Variants in ANO2 observed in about 807,000 individuals in gnomAD.
ANO2 encodes anoctamin 2.
In ANO2, 101 loss-of-function variants were observed where a neutral mutation model predicts 124.2. That is an observed-to-expected ratio of 0.81 (90% CI 0.69 to 0.96). The LOEUF is 0.96. Among genes scored for constraint, ANO2 ranks in the 40% least tolerant of loss-of-function variants. ANO2 has a pLI of 0.00. For missense variants in ANO2, 1,293 were observed against 1,274.5 expected (o/e 1.01, Z -0.22); for synonymous variants, 486 against 482.5 (o/e 1.01, Z -0.09).
intron 4 of ANO2, among the ~76,000 whole-genome samples, chr12:5,833,979 T>C (rs1954236530): frequency 6.6e-6 from 1 of 152,056 alleles, no homozygotes; most frequent in Admixed American, 6.6e-5. Context: ...GGAGGCGTCC[T>C]GAGAGTACCC....
At chr12:5,590,491 C>T (rs1943341908) in intron 20 of ANO2, among the ~76,000 whole-genome samples, 1 of 152,204 alleles carries the variant, frequency 6.6e-6, no homozygotes, top group African/African-American at 2.4e-5. Context: ...ATGAAGCCTG[C>T]AGGCAGAAAG....
chr12:5,810,506 C>T (rs1323382643), intron 7 of ANO2, among the ~76,000 whole-genome samples: 1 of 152,176 alleles, frequency 6.6e-6, no homozygotes, highest in Non-Finnish European at 1.5e-5. Context: ...GCAAAGCTTT[C>T]TTCTTCAGGA....
At chr12:5,599,425 C>T (rs1943818783) in intron 20 of ANO2, 59 bp downstream of exon 20, 1 of 1,530,790 alleles carries the variant, frequency 6.5e-7, no homozygotes, top group South Asian at 1.3e-5. Flanking sequence ...CCCCCTTCAA[C>T]CCCACAGACC....
rs538089396 is a variant in ANO2, at chr12:5,670,713, A to T, written c.1546-22912T>A. Among the ~76,000 whole-genome samples the T allele has an allele frequency of 3.8e-3, 562 of 149,650 alleles. 4 individuals carry two copies. Among genetic ancestry groups the T allele is most frequent in the African/African-American group, 0.013 (512 of 40,226 alleles). Reference sequence around the variant, plus strand: ...CCATTCCTGGCTAATTTTTTTTTAAAAAATGTTATAGAGATGAGGTCTCTT... The same window carrying T: ...CCATTCCTGGCTAATTTTTTTTTAATAAATGTTATAGAGATGAGGTCTCTT... On this transcript the variant is annotated intron_variant, in intron 14 of 24. Transcript: ENST00000682330.
intron 14 of ANO2, among the ~76,000 whole-genome samples, chr12:5,721,171 A>G (rs975343719): frequency 1.3e-5 from 2 of 152,232 alleles, no homozygotes; most frequent in African/African-American, 4.8e-5. Context: ...AGAAACCCTC[A>G]GTGCCCTCCT....
intron 9 of ANO2, among the ~76,000 whole-genome samples, chr12:5,800,152 G>T (rs1952995540): frequency 6.6e-6 from 1 of 152,198 alleles, no homozygotes; most frequent in Non-Finnish European, 1.5e-5. Flanking sequence ...AGGAAGGGGG[G>T]AGGGTGTCCC....
At chr12:5,820,524 T>C in intron 7 of ANO2, among the ~76,000 whole-genome samples, 1 of 152,178 alleles carries the variant, frequency 6.6e-6, no homozygotes, top group Non-Finnish European at 1.5e-5. Flanking sequence ...TAGACATACT[T>C]AGCAGCTGGC....
At chr12:5,725,798 C>T (rs1395905158) in intron 14 of ANO2, among the ~76,000 whole-genome samples, 1 of 152,030 alleles carries the variant, frequency 6.6e-6, no homozygotes, top group Non-Finnish European at 1.5e-5. Flanking sequence ...CTTGCCTCAA[C>T]ATCCCTTCTT....
At chr12:5,864,323 C>T (rs1955361444) in intron 3 of ANO2, among the ~76,000 whole-genome samples, 1 of 152,230 alleles carries the variant, frequency 6.6e-6, no homozygotes, top group South Asian at 2.1e-4. Context: ...AATCCATAAG[C>T]CCCAAAGATG....
chr12:5,922,225 G>A (rs1193348879), intron 2 of ANO2, among the ~76,000 whole-genome samples: 5 of 152,196 alleles, frequency 3.3e-5, no homozygotes, highest in Admixed American at 3.3e-4. Context: ...GTTTATTACT[G>A]GTTTGAAACC....
At chr12:5,603,272 G>T (rs951316041) in intron 19 of ANO2, among the ~76,000 whole-genome samples, 3 of 152,148 alleles carry the variant, frequency 2.0e-5, no homozygotes, top group Admixed American at 1.3e-4. Flanking sequence ...AATCTCACTG[G>T]CAATGGGGAC....
At chr12:5,943,277 TTGTGTGTGTG>T (rs138167836) in intron 1 of ANO2, among the ~76,000 whole-genome samples, 371 of 148,394 alleles carry the variant, frequency 2.5e-3, no homozygotes, top group Middle Eastern at 6.9e-3. Context: ...GAGTGTGTGT[TTGTGTGTGTG>T]TGTGTGTGTG....
intron 8 of ANO2, 130 bp downstream of exon 8, chr12:5,807,183 A>G: frequency 1.4e-6 from 1 of 728,224 alleles, no homozygotes; most frequent in Non-Finnish European, 2.1e-6. Context: ...GGGTCAGTCA[A>G]GGTATTTTAA....
chr12:5,664,773 A>G (rs1370744808), intron 14 of ANO2, among the ~76,000 whole-genome samples: 1 of 152,250 alleles, frequency 6.6e-6, no homozygotes, highest in Non-Finnish European at 1.5e-5. Context: ...GTACTAACAG[A>G]TATTCAATAC....
chr12:5,679,404 T>C (rs568157345), intron 14 of ANO2, among the ~76,000 whole-genome samples: 7 of 152,198 alleles, frequency 4.6e-5, no homozygotes, highest in Non-Finnish European at 8.8e-5. Context: ...AAAGGTCTAA[T>C]ATCCAGAATC....
At chr12:5,878,527 T>C (rs1385638233) in intron 3 of ANO2, among the ~76,000 whole-genome samples, 2 of 152,268 alleles carry the variant, frequency 1.3e-5, no homozygotes, top group Non-Finnish European at 2.9e-5. Flanking sequence ...GATAGATGCA[T>C]GCCCCTGACA....
chr12:5,874,647 C>T (rs1388341442), intron 3 of ANO2, among the ~76,000 whole-genome samples: 1 of 152,240 alleles, frequency 6.6e-6, no homozygotes, highest in East Asian at 1.9e-4. Flanking sequence ...GCTGTGCCTT[C>T]TGGCATCCGC....
At chr12:5,764,289 T>G (rs1272716279) in intron 10 of ANO2, among the ~76,000 whole-genome samples, 5 of 152,210 alleles carry the variant, frequency 3.3e-5, no homozygotes. Context: ...GACCCTTCCA[T>G]GTCAATACAG....
intron 3 of ANO2, among the ~76,000 whole-genome samples, chr12:5,891,191 C>T (rs1390963408): frequency 6.6e-6 from 1 of 152,102 alleles, no homozygotes; most frequent in Non-Finnish European, 1.5e-5. Flanking sequence ...CAGAGAGAGC[C>T]GAGGAGAAGC....
Sources: allele counts gnomAD v4.1 joint callset (sites outside exome capture counted in the v4.1 genomes callset), GRCh38; gene constraint gnomAD v4.1.1; transcripts MANE v1.5; gene names NCBI Gene and HGNC (gene_info 2026-07-23, HGNC 2026-07-21).